PLCG2: variants seen among roughly 807,000 people sequenced by gnomAD.
PLCG2 encodes the protein phospholipase C gamma 2.
Under a neutral mutation model 175.6 loss-of-function variants are expected in PLCG2, and 69 were observed. The observed-to-expected ratio is 0.39, with a 90% CI of 0.32 to 0.48. The LOEUF is 0.48. Ranked by LOEUF, PLCG2 falls within the 20% of genes least tolerant of loss-of-function variation. PLCG2 has a pLI of 0.91. For missense variants in PLCG2, 1,798 were observed against 1,650.9 expected (o/e 1.09, Z -1.54); for synonymous variants, 827 against 624.0 (o/e 1.33, Z -4.85).
chr16:81,912,868 T>A, intron 19 of PLCG2, 152 bp downstream of exon 19: 1 of 906,852 alleles, frequency 1.1e-6, no homozygotes, highest in Non-Finnish European at 1.6e-6. Flanking sequence ...CAAAAGCCGC[T>A]GCGAGAATGT....
intron 13 of PLCG2, among the ~76,000 whole-genome samples, chr16:81,900,309 A>G (rs768790588): frequency 6.6e-6 from 1 of 152,196 alleles, no homozygotes; most frequent in African/African-American, 2.4e-5. Context: ...ACTTGAAAAA[A>G]AGATTAGAGA....
intron 9 of PLCG2, among the ~76,000 whole-genome samples, chr16:81,885,445 T>G (rs1294343018): frequency 1.3e-5 from 2 of 152,208 alleles, no homozygotes; most frequent in African/African-American, 4.8e-5. Context: ...ATTACAGATG[T>G]GAGGCACTGT....
intron 30 of PLCG2, among the ~76,000 whole-genome samples, chr16:81,944,388 T>A (rs1029076909): frequency 6.6e-6 from 1 of 152,216 alleles, no homozygotes; most frequent in Non-Finnish European, 1.5e-5. Flanking sequence ...AGTATTTATA[T>A]TGTCTTGGGT....
intron 2 of PLCG2, among the ~76,000 whole-genome samples, chr16:81,816,727 C>G (rs1170341042): frequency 2.4e-5 from 3 of 126,938 alleles, no homozygotes; most frequent in Non-Finnish European, 4.7e-5. Flanking sequence ...GTCTTAAACT[C>G]CTGGGCTAAA....
chr16:81,800,665 CTATTATTAT>C (rs59716859), intron 2 of PLCG2, among the ~76,000 whole-genome samples: 9 of 151,208 alleles, frequency 6.0e-5, no homozygotes, highest in African/African-American at 1.2e-4. Flanking sequence ...GATACTATTG[CTATTATTAT>C]TATTATTATT....
intron 18 of PLCG2, among the ~76,000 whole-genome samples, chr16:81,911,790 CTTTTTTTTTTT>C (rs35027472): frequency 1.5e-5 from 1 of 67,240 alleles, no homozygotes; most frequent in African/African-American, 6.2e-5. Flanking sequence ...TTTGTATTTC[CTTTTTTTTTTT>C]TTTTTTTTTT....
chr16:81,945,065 C>G (rs998555121), intron 30 of PLCG2, among the ~76,000 whole-genome samples: 6 of 152,052 alleles, frequency 3.9e-5, no homozygotes, highest in African/African-American at 1.5e-4. Context: ...TGACAATACA[C>G]CTTAGGGGTG....
intron 2 of PLCG2, among the ~76,000 whole-genome samples, chr16:81,833,679 A>G (rs1401150486): frequency 1.3e-5 from 2 of 151,696 alleles, no homozygotes; most frequent in Non-Finnish European, 2.9e-5. Context: ...ACAGGCATGC[A>G]CCACTACTCC....
chr16:81,822,464 GA>G (rs1457015620), intron 2 of PLCG2, among the ~76,000 whole-genome samples: 1 of 152,124 alleles, frequency 6.6e-6, no homozygotes, highest in African/African-American at 2.4e-5. Context: ...GTCCTTTTAA[GA>G]AAAAGGCGGG....
chr16:81,861,433 G>A (rs1906975543), intron 5 of PLCG2, among the ~76,000 whole-genome samples: 1 of 152,192 alleles, frequency 6.6e-6, no homozygotes, highest in African/African-American at 2.4e-5. Flanking sequence ...GGAGGATTTG[G>A]AACTATTAAC....
chr16:81,913,044 G>T (rs1380673876), intron 19 of PLCG2, among the ~76,000 whole-genome samples: 5 of 152,238 alleles, frequency 3.3e-5, no homozygotes, highest in Non-Finnish European at 7.3e-5. Flanking sequence ...GAAGCATGCA[G>T]CCACTAAGTG....
chr16:81,883,252 C>T lies in PLCG2; in HGVS notation c.693-17C>T. The T allele has an allele frequency of 6.2e-7, 1 of 1,612,736 alleles. No homozygotes were observed. On this transcript the variant is annotated splice_polypyrimidine_tract_variant and intron_variant, in intron 8 of 32. Coordinates refer to ENST00000564138, the MANE Select transcript of PLCG2 (RefSeq NM_002661.5). ...AATGTGTCTGTCTCTAACTGCACCC[C>T]CTTTCCCCGAGGATAGGAACACTGA...
intron 17 of PLCG2, among the ~76,000 whole-genome samples, chr16:81,909,885 A>G (rs1236911926): frequency 2.6e-5 from 4 of 152,042 alleles, no homozygotes; most frequent in African/African-American, 9.7e-5. Flanking sequence ...GTAGTAATAC[A>G]GTGTGGCTCA....
At chr16:81,938,036 AGT>A (rs1910788768) in intron 28 of PLCG2, 133 bp downstream of exon 28, 1 of 757,002 alleles carries the variant, frequency 1.3e-6, no homozygotes, top group Non-Finnish European at 2.1e-6. Flanking sequence ...CCATTCAGGC[AGT>A]GTTTGAGGAT....
intron 21 of PLCG2, among the ~76,000 whole-genome samples, chr16:81,922,939 C>T (rs1188006907): frequency 6.6e-6 from 1 of 152,190 alleles, no homozygotes; most frequent in Non-Finnish European, 1.5e-5. Context: ...AGCTCAGTTA[C>T]TCTTGCAAAA....
rs748649938 is a variant in PLCG2 at position 81,919,638 on chromosome 16, C to G, written c.2209C>G (p.Pro737Ala). 9 of 1,613,832 alleles carry G rather than the reference C, an allele frequency of 5.6e-6. No homozygotes were observed. The highest frequency in any genetic ancestry group is 1.1e-5 in the South Asian group (1 of 91,070). ...GATGAGACTGCGCTACCCCGTGACC[C>G]CCGAGCTCCTGGAGCGCTACAATAT... ...RKMRLRYPVT[P>A]ELLERYNMER... The change falls in exon 20 of 33, where the codon CCC becomes GCC. Residue 737 changes from proline to alanine, a missense_variant. Pro to Ala is a conservative substitution (Grantham distance 27). Coordinates refer to ENST00000564138, the MANE Select transcript of PLCG2 (RefSeq NM_002661.5).
In PLCG2 at chr16:81,961,760, G is replaced by C. The variant is rs1266575602; in HGVS notation, c.*3762G>C. On this transcript the variant is annotated 3_prime_UTR_variant, in exon 33 of 33. Transcript: ENST00000564138. ...GAACCTCCTGGGCTAAATTTAAAAA[G>C]TAATACAACAGTTTTATTTAAACAT... 1 of 204,242 alleles carries C rather than the reference G, an allele frequency of 4.9e-6. No individual in the cohort carries two copies. The highest frequency in any genetic ancestry group is 2.3e-5 in the African/African-American group (1 of 43,700). The allele number at this position is 204,242 out of a possible 1,614,324, so 12.7% of individuals were successfully genotyped here. A position where few individuals can be genotyped will look rare whatever the true frequency, so the allele number is the denominator to read the frequency against.
intron 3 of PLCG2, among the ~76,000 whole-genome samples, chr16:81,857,192 C>T (rs188516148): frequency 8.5e-5 from 13 of 152,220 alleles, no homozygotes; most frequent in Middle Eastern, 3.4e-3. Context: ...TTGATGTCTC[C>T]GTCATCCCTC....
chr16:81,897,408 C>A (rs1057093205), intron 13 of PLCG2, among the ~76,000 whole-genome samples: 1 of 152,186 alleles, frequency 6.6e-6, no homozygotes, highest in African/African-American at 2.4e-5. Context: ...GAGGTGATAA[C>A]TGTGTGCACC....
Sources: allele counts gnomAD v4.1 joint callset (sites outside exome capture counted in the v4.1 genomes callset), GRCh38; gene constraint gnomAD v4.1.1; transcripts MANE v1.5; gene names NCBI Gene and HGNC (gene_info 2026-07-23, HGNC 2026-07-21).